The following UBR2 variants were observed in gnomAD, a reference collection of about 807,000 sequenced individuals.
UBR2 encodes the protein ubiquitin protein ligase E3 component n-recognin 2, also known as E3 ubiquitin-protein ligase UBR2.
UBR2 carries 92 observed loss-of-function variants against 247.9 expected under a neutral mutation model. That is an observed-to-expected ratio of 0.37 (90% confidence interval 0.31 to 0.44). The LOEUF (loss-of-function observed/expected upper bound fraction) is 0.44. Ranked by LOEUF, UBR2 falls within the 20% of genes least tolerant of loss-of-function variation. The pLI is 1.00. For synonymous variants in UBR2, 672 were observed against 693.5 expected (o/e 0.97, Z 0.49); for missense variants, 1,613 against 2,112.6 (o/e 0.76, Z 4.64).
At chr6:42,575,933 T>C (rs1180328076) in intron 2 of UBR2, among the ~76,000 whole-genome samples, 1 of 152,216 alleles carries the variant, frequency 6.6e-6, no homozygotes, top group Non-Finnish European at 1.5e-5. Context: ...GCTCAAATTG[T>C]CCTAGATTTG....
chr6:42,605,571 A>G, intron 5 of UBR2, 150 bp from the exon 6 acceptor site: 1 of 572,200 alleles, frequency 1.7e-6, no homozygotes, highest in Non-Finnish European at 2.8e-6. Flanking sequence ...AGACTGTAGT[A>G]TCACAGAGCA....
intron 4 of UBR2, among the ~76,000 whole-genome samples, chr6:42,596,707 T>C (rs1792999095): frequency 6.6e-6 from 1 of 152,192 alleles, no homozygotes; most frequent in Non-Finnish European, 1.5e-5. Flanking sequence ...CTAAAACATA[T>C]TAAGTGAAAG....
At chr6:42,622,382 A>G (rs1267839271) in intron 11 of UBR2, among the ~76,000 whole-genome samples, 1 of 143,694 alleles carries the variant, frequency 7.0e-6, no homozygotes, top group African/African-American at 2.6e-5. Context: ...GAGGGGAGAC[A>G]TTGTTTTTGG....
At chr6:42,669,078 C>T (rs1417220629) in intron 34 of UBR2, among the ~76,000 whole-genome samples, 1 of 152,062 alleles carries the variant, frequency 6.6e-6, no homozygotes, top group Non-Finnish European at 1.5e-5. Context: ...CATGCACCAC[C>T]ATGTCCCACT....
At chr6:42,567,259 T>C (rs1236925632) in intron 1 of UBR2, among the ~76,000 whole-genome samples, 1 of 152,224 alleles carries the variant, frequency 6.6e-6, no homozygotes, top group Non-Finnish European at 1.5e-5. Flanking sequence ...AAGAAAAGTA[T>C]CTAAGCTGAC....
intron 38 of UBR2, 45 bp downstream of exon 38, chr6:42,674,238 A>T: frequency 6.3e-7 from 1 of 1,585,428 alleles, no homozygotes; most frequent in Non-Finnish European, 8.6e-7. Context: ...CATACTATGT[A>T]ACTTTACCTT....
intron 36 of UBR2, 103 bp downstream of exon 36, chr6:42,670,818 T>G (rs1249722522): frequency 2.5e-6 from 2 of 815,254 alleles, no homozygotes; most frequent in Middle Eastern, 2.4e-4. Flanking sequence ...ACACCTTCAC[T>G]TCTTTCGTAG....
chr6:42,627,645 G>A (rs1795438617), intron 11 of UBR2, among the ~76,000 whole-genome samples: 1 of 151,862 alleles, frequency 6.6e-6, no homozygotes, highest in Non-Finnish European at 1.5e-5. Flanking sequence ...CTACAAGTGT[G>A]CGCCACTACA....
chr6:42,679,707 T>G lies in UBR2; in HGVS notation c.4610-17T>G, dbSNP rs1267014291. ...CTTAGTTGTTATATGCACTCTTTTC[T>G]TGTTCTTCATTTGCAGTTCCTGGAA... is the stretch of plus-strand genomic sequence containing the variant. On this transcript the variant is annotated splice_polypyrimidine_tract_variant and intron_variant, in intron 41 of 46. Transcript: ENST00000372901. 6.4e-7 allele frequency: 1 copy of G among 1,574,054 alleles called. No homozygotes were observed. The highest frequency in any genetic ancestry group is 8.7e-7 in the Non-Finnish European group (1 of 1,144,182).
At chr6:42,639,021 A>G (rs1454063896) in intron 15 of UBR2, among the ~76,000 whole-genome samples, 1 of 152,218 alleles carries the variant, frequency 6.6e-6, no homozygotes, top group Non-Finnish European at 1.5e-5. Flanking sequence ...ACCTTAGCCT[A>G]ACTGCTTATA....
At chr6:42,570,476 G>T (rs1791045416) in intron 1 of UBR2, among the ~76,000 whole-genome samples, 1 of 152,106 alleles carries the variant, frequency 6.6e-6, no homozygotes, top group Non-Finnish European at 1.5e-5. Flanking sequence ...CAAGTGATCT[G>T]CCCACCTTGG....
chr6:42,641,572 G>A lies in UBR2; in HGVS notation c.1921-10G>A, dbSNP rs747383540. 5.7e-6 allele frequency: 9 copies of A among 1,572,026 alleles called. No individual in the cohort carries two copies. The highest frequency in any genetic ancestry group is 2.0e-5 in the Admixed American group (1 of 50,274). Reference sequence around the variant, plus strand: ...TTTGTTTTCTGTTTTTTTATTTTTTGTATATATAGAGTGAACTTAGCCCAC... The same window carrying A: ...TTTGTTTTCTGTTTTTTTATTTTTTATATATATAGAGTGAACTTAGCCCAC... On this transcript the variant is annotated splice_polypyrimidine_tract_variant and intron_variant, in intron 16 of 46. Coordinates refer to ENST00000372901, the MANE Select transcript of UBR2 (RefSeq NM_001363705.2).
intron 7 of UBR2, among the ~76,000 whole-genome samples, chr6:42,610,904 G>A (rs1400422189): frequency 6.7e-6 from 1 of 150,048 alleles, no homozygotes; most frequent in African/African-American, 2.5e-5. Context: ...GGAGTGCAAT[G>A]GCGCGATCTC....
chr6:42,589,577 T>C (rs1792522858), intron 2 of UBR2, among the ~76,000 whole-genome samples: 2 of 152,224 alleles, frequency 1.3e-5, no homozygotes, highest in Admixed American at 6.5e-5. Context: ...ATAGAGCTAG[T>C]ATAATTTCTT....
rs978246573 is a variant in UBR2 at position 42,656,474 on chromosome 6, G to T, written c.2872+751G>T. On this transcript the variant is annotated intron_variant, in intron 26 of 46. Transcript: ENST00000372901. ...CCCATTTGTATTTGAGTACCACCTCGCTTTCCAGCCCAAAAGATGCCCAAG... is the reference window on the plus strand; with the variant it reads ...CCCATTTGTATTTGAGTACCACCTCTCTTTCCAGCCCAAAAGATGCCCAAG... Among the ~76,000 whole-genome samples, 10 of 152,202 alleles carry T rather than the reference G, an allele frequency of 6.6e-5. 1 individual carries two copies. In the East Asian group the frequency reaches 1.9e-3, roughly 29 times the overall value.
intron 38 of UBR2, 104 bp from the exon 39 acceptor site, chr6:42,675,952 G>A (rs1427984572): frequency 1.4e-6 from 2 of 1,468,940 alleles, no homozygotes; most frequent in Non-Finnish European, 1.8e-6. Context: ...GTAAGACTCT[G>A]TCTCAAAAAA....
At chr6:42,671,976 C>T (rs1798467371) in intron 36 of UBR2, among the ~76,000 whole-genome samples, 1 of 152,128 alleles carries the variant, frequency 6.6e-6, no homozygotes, top group African/African-American at 2.4e-5. Context: ...AATTTTTCTT[C>T]CTATAGTCCC....
At chr6:42,631,193 T>G (rs935267790) in intron 11 of UBR2, among the ~76,000 whole-genome samples, 4 of 152,184 alleles carry the variant, frequency 2.6e-5, no homozygotes, top group East Asian at 1.9e-4. Flanking sequence ...CCAGCATCAA[T>G]AACACTCTAG....
chr6:42,675,933 G>A, intron 38 of UBR2, 123 bp from the exon 39 acceptor site: 1 of 1,347,922 alleles, frequency 7.4e-7, no homozygotes, highest in Non-Finnish European at 9.8e-7. Flanking sequence ...CTCCAGCCTG[G>A]GCAACAGAGT....
Sources: allele counts gnomAD v4.1 joint callset (sites outside exome capture counted in the v4.1 genomes callset), GRCh38; gene constraint gnomAD v4.1.1; transcripts MANE v1.5; gene names NCBI Gene and HGNC (gene_info 2026-07-23, HGNC 2026-07-21).